Variants in PDK1 observed in about 807,000 individuals in gnomAD.
The protein encoded by PDK1 is [Pyruvate dehydrogenase (acetyl-transferring)] kinase isozyme 1, mitochondrial.
PDK1 carries 39 observed loss-of-function variants against 54.2 expected under a neutral mutation model. The ratio of observed to expected loss-of-function variants is 0.72; its 90% CI spans 0.56 to 0.94. The LOEUF (loss-of-function observed/expected upper bound fraction) is 0.94, where lower values mean the gene tolerates loss of function less well. Among genes scored for constraint, PDK1 ranks in the 40% least tolerant of loss-of-function variants. The pLI, the probability that PDK1 is intolerant of heterozygous loss-of-function variation, is 0.00. For synonymous variants in PDK1, 221 were observed against 207.1 expected, an observed-to-expected ratio of 1.07 and a Z score of -0.58; for missense variants, 552 against 566.0, an observed-to-expected ratio of 0.98 and a Z score of 0.25.
downstream of PDK1, among the ~76,000 whole-genome samples, chr2:172,612,877 C>G (rs1207571585): frequency 1.3e-5 from 2 of 152,110 alleles, no homozygotes; most frequent in Non-Finnish European, 2.9e-5. Context: ...CCAGGCTGGT[C>G]TTGAACTCAT....
At chr2:172,571,823 C>CGTTTTTTTTTTTTTTTTTTTTTTTTTTT (rs765005051) in intron 8 of PDK1, among the ~76,000 whole-genome samples, 5 of 99,784 alleles carry the variant, frequency 5.0e-5, no homozygotes, top group African/African-American at 7.8e-5. Context: ...TCTTTCTTTA[C>CGTTTTTTTTTTTTTTTTTTTTTTTTTTT]TTTTTTTTTT....
At chr2:172,631,202 C>A in the PDK1 span, among the ~76,000 whole-genome samples, 1 of 152,214 alleles carries the variant, frequency 6.6e-6, no homozygotes, top group African/African-American at 2.4e-5. Flanking sequence ...ACCACATAAA[C>A]GTGTCTATTT....
At chr2:172,695,247 A>G in the PDK1 span, among the ~76,000 whole-genome samples, 2 of 152,168 alleles carry the variant, frequency 1.3e-5, no homozygotes, top group Non-Finnish European at 2.9e-5. Flanking sequence ...GCTTAAAGTC[A>G]CAGTTTCTAA....
chr2:172,715,450 A>C, the PDK1 span, among the ~76,000 whole-genome samples: 7 of 152,232 alleles, frequency 4.6e-5, no homozygotes, highest in African/African-American at 1.7e-4. Flanking sequence ...TGAAGACCAT[A>C]GTGGAGACTT....
At chr2:172,683,912 C>G in the PDK1 span, among the ~76,000 whole-genome samples, 1 of 152,152 alleles carries the variant, frequency 6.6e-6, no homozygotes, top group African/African-American at 2.4e-5. Context: ...TGGAATGGTT[C>G]TTTGCCTTTT....
chr2:172,582,044 T>C (rs972842248), intron 8 of PDK1, among the ~76,000 whole-genome samples: 2 of 151,958 alleles, frequency 1.3e-5, no homozygotes, highest in Non-Finnish European at 1.5e-5. Flanking sequence ...TCCCGAGTAG[T>C]GGGGATTACA....
the PDK1 span, among the ~76,000 whole-genome samples, chr2:172,701,631 GT>G: frequency 0.75 from 95,826 of 128,332 alleles, 34,340 homozygotes; most frequent in Non-Finnish European, 0.82. Context: ...AGTTTATCCT[GT>G]TTTTTTTTTT....
At chr2:172,556,397 G>C in intron 1 of PDK1, 51 bp downstream of exon 1, 1 of 1,287,250 alleles carries the variant, frequency 7.8e-7, no homozygotes, top group South Asian at 2.0e-5. Context: ...CGGGCGGGGA[G>C]CTGCGGCCGC....
chr2:172,604,993 A>G lies in PDK1; in HGVS notation c.*9024A>G, dbSNP rs1691238895. 1 of 152,224 alleles carries G rather than the reference A, an allele frequency of 6.6e-6. No individual in the cohort carries two copies. The highest frequency in any genetic ancestry group is 6.5e-5 in the Admixed American group (1 of 15,274). 9.4% of individuals were successfully genotyped at this position (152,224 alleles called of 1,614,324 possible). On this transcript the variant is annotated 3_prime_UTR_variant, in exon 11 of 11. Transcript: ENST00000282077. ...GATTCAAGATCTCAGCCCCAAAGATACATTTGTAGATGCCAGGCTTAACAT... is the reference window on the plus strand; with the variant it reads ...GATTCAAGATCTCAGCCCCAAAGATGCATTTGTAGATGCCAGGCTTAACAT...
chr2:172,637,806 G>C, the PDK1 span, among the ~76,000 whole-genome samples: 1 of 151,902 alleles, frequency 6.6e-6, no homozygotes, highest in Non-Finnish European at 1.5e-5. Flanking sequence ...AGCAATTCTC[G>C]TGCCTCAGCC....
chr2:172,700,643 T>C, the PDK1 span, among the ~76,000 whole-genome samples: 1 of 152,026 alleles, frequency 6.6e-6, no homozygotes, highest in Non-Finnish European at 1.5e-5. Flanking sequence ...TTTGGGAGGC[T>C]AAGGCAGGCG....
chr2:172,678,116 G>C, the PDK1 span, among the ~76,000 whole-genome samples: 1 of 152,140 alleles, frequency 6.6e-6, no homozygotes, highest in African/African-American at 2.4e-5. Context: ...GTTGCAGTGA[G>C]CCAAGATTGC....
chr2:172,567,077 A>T, intron 6 of PDK1, 144 bp downstream of exon 6: 1 of 488,286 alleles, frequency 2.0e-6, no homozygotes, highest in Non-Finnish European at 3.6e-6. Context: ...TGTAAAAAAT[A>T]TATCTATAAA....
the PDK1 span, among the ~76,000 whole-genome samples, chr2:172,616,253 G>C: frequency 1.3e-5 from 2 of 152,006 alleles, no homozygotes; most frequent in Non-Finnish European, 2.9e-5. Context: ...ACCCCTAGAC[G>C]TACATTCTAG....
At chr2:172,684,000 G>C in the PDK1 span, among the ~76,000 whole-genome samples, 1 of 152,236 alleles carries the variant, frequency 6.6e-6, no homozygotes, top group Non-Finnish European at 1.5e-5. Context: ...GGCCAGGAAA[G>C]AGATTTTTAT....
intron 7 of PDK1, 72 bp from the exon 8 acceptor site, chr2:172,570,654 A>AT (rs1376965831): frequency 6.0e-6 from 5 of 834,724 alleles, no homozygotes; most frequent in Non-Finnish European, 1.0e-5. Context: ...CAAATAGTGC[A>AT]TATGTACTTG....
At chr2:172,691,756 T>C in the PDK1 span, among the ~76,000 whole-genome samples, 1 of 152,252 alleles carries the variant, frequency 6.6e-6, no homozygotes, top group Non-Finnish European at 1.5e-5. Context: ...CTCATTTCTC[T>C]TTAGCACTGA....
the PDK1 span, among the ~76,000 whole-genome samples, chr2:172,712,156 T>A: frequency 6.6e-6 from 1 of 152,184 alleles, no homozygotes; most frequent in South Asian, 2.1e-4. Context: ...TTAGAACCCA[T>A]GGGTTTTCAG....
chr2:172,663,481 T>G, the PDK1 span, among the ~76,000 whole-genome samples: 1 of 151,986 alleles, frequency 6.6e-6, no homozygotes, highest in Non-Finnish European at 1.5e-5. Flanking sequence ...AGTAATGAAT[T>G]TTCTTGAGAC....
Sources: allele counts gnomAD v4.1 joint callset (sites outside exome capture counted in the v4.1 genomes callset), GRCh38; gene constraint gnomAD v4.1.1; transcripts MANE v1.5; gene names NCBI Gene and HGNC (gene_info 2026-07-23, HGNC 2026-07-21).